The following RPS3A variants were observed in gnomAD, a reference collection of about 807,000 sequenced individuals.
RPS3A encodes the protein ribosomal protein S3A.
A neutral mutation model predicts 26.4 loss-of-function variants in RPS3A; 1 was observed. The observed-to-expected ratio is 0.04, with a 90% CI of 0.01 to 0.18. The LOEUF (loss-of-function observed/expected upper bound fraction) is 0.18. Among genes scored for constraint, RPS3A ranks in the 10% least tolerant of loss-of-function variants. The probability of loss-of-function intolerance (pLI) is 1.00; values close to 1 mark genes in which losing one functional copy is unlikely to be tolerated. For synonymous variants in RPS3A, 97 were observed against 106.1 expected, an observed-to-expected ratio of 0.91 and a Z score of 0.53; for missense variants, 139 against 326.8, an observed-to-expected ratio of 0.43 and a Z score of 4.43.
Position 151,100,998 on chromosome 4 carries a change from G to C in RPS3A, c.190G>C (p.Gly64Arg), listed in dbSNP as rs541190765. ...AGAAATTGCATCTGATGGTCTCAAGGGTCGTGTGTTTGAAGTGAGTCTTGC... is the reference window on the plus strand; with the variant it reads ...AGAAATTGCATCTGATGGTCTCAAGCGTCGTGTGTTTGAAGTGAGTCTTGC... ...GTKIASDGLKGRVFEVSLADL... is the reference protein window; with the variant it reads ...GTKIASDGLKRRVFEVSLADL... Residue 64 changes from glycine (G) to arginine (R), a missense_variant, in exon 3 of 6, where the codon GGT becomes CGT. Transcript: ENST00000274065. 9.5e-6 allele frequency: 15 copies of C among 1,583,342 alleles called. No individual in the cohort carries two copies. The highest frequency in any genetic ancestry group is 1.3e-5 in the Non-Finnish European group (15 of 1,167,874).
chr4:151,099,807 A>G, intron 1 of RPS3A, 93 bp downstream of exon 1: 1 of 1,354,740 alleles, frequency 7.4e-7, no homozygotes, highest in Non-Finnish European at 1.0e-6. Flanking sequence ...GATGGCGAGG[A>G]TTCCAGTCGG....
chr4:151,100,731 T>TC (rs1747081908), intron 2 of RPS3A, 143 bp downstream of exon 2: 5 of 646,544 alleles, frequency 7.7e-6, no homozygotes, highest in Non-Finnish European at 1.4e-5. Flanking sequence ...CCTGTGGTGA[T>TC]CATTTTTAGT....
At chr4:151,100,066 C>G in intron 1 of RPS3A, 2 of 551,008 alleles carry the variant, frequency 3.6e-6, no homozygotes, top group South Asian at 3.1e-5. Context: ...CATTCAGGAC[C>G]CGTCAATCTC....
At chr4:151,102,180 CT>C (rs765623696) in intron 3 of RPS3A, 1 of 414,518 alleles carries the variant, frequency 2.4e-6, no homozygotes, top group Non-Finnish European at 4.8e-6. Context: ...GGTCCCTTAG[CT>C]GTAAATTGTA....
rs28523454 is a variant in RPS3A, at chr4:151,103,485, A to G, written c.563+406A>G. 1,313 of 1,013,646 alleles carry G rather than the reference A, an allele frequency of 1.3e-3. 16 individuals carry two copies. In the African/African-American group the frequency reaches 0.022, roughly 17 times the overall value. The allele number at this position is 1,013,646 out of a possible 1,614,324, so 62.8% of individuals were successfully genotyped here. On this transcript the variant is annotated intron_variant, in intron 4 of 5. Transcript: ENST00000274065. ...TGGCCAGGCTGGTCTTGAACTCCTG[A>G]CTTCAGGTGATCTGCCAGTACTCTA...
intron 4 of RPS3A, chr4:151,103,673 GGTA>G: frequency 9.2e-7 from 1 of 1,087,890 alleles, no homozygotes; most frequent in African/African-American, 1.7e-5. Context: ...AGGCTGAGGT[GGTA>G]GGATTGTTTG....
intron 1 of RPS3A, 178 bp downstream of exon 1, chr4:151,099,892 G>T: frequency 1.4e-6 from 1 of 732,588 alleles, no homozygotes; most frequent in South Asian, 1.5e-5. Flanking sequence ...CGGCAGGTCG[G>T]CTGCCTTTCC....
chr4:151,099,909 T>A, intron 1 of RPS3A, 195 bp downstream of exon 1: 1 of 698,180 alleles, frequency 1.4e-6, no homozygotes, highest in South Asian at 1.5e-5. Context: ...TTCCCAGGCC[T>A]TCTGGTCCTT....
intron 1 of RPS3A, chr4:151,099,930 C>G: frequency 5.7e-6 from 3 of 528,774 alleles, no homozygotes; most frequent in Non-Finnish European, 1.1e-5. Context: ...GCGCGCGTCG[C>G]GTTTGAGCCG....
At chr4:151,103,598 T>G in intron 4 of RPS3A, 3 of 1,047,934 alleles carry the variant, frequency 2.9e-6, no homozygotes, top group Non-Finnish European at 3.5e-6. Context: ...GTTTTTCCCC[T>G]ACTTGGAAAA....
intron 4 of RPS3A, 111 bp from the exon 5 acceptor site, chr4:151,104,066 A>T: frequency 6.7e-7 from 1 of 1,499,292 alleles, no homozygotes; most frequent in South Asian, 1.4e-5. Context: ...AGGTTAAATG[A>T]GGTAGGTGTT....
intron 1 of RPS3A, among the ~76,000 whole-genome samples, chr4:151,100,215 G>A: frequency 6.6e-6 from 1 of 152,298 alleles, no homozygotes; most frequent in Non-Finnish European, 1.5e-5. Flanking sequence ...GTAGTGGAAG[G>A]ACCGATGCAT....
intron 3 of RPS3A, chr4:151,102,144 G>A (rs749953758): frequency 2.1e-6 from 1 of 487,102 alleles, no homozygotes; most frequent in Admixed American, 2.1e-5. Flanking sequence ...AAGGCTTTAT[G>A]GTTTACATTT....
chr4:151,102,867 C>G lies in RPS3A; in HGVS notation c.355-4C>G, dbSNP rs1561165047. 2 of 1,607,234 alleles carry G rather than the reference C, an allele frequency of 1.2e-6. No individual in the cohort carries two copies. Among genetic ancestry groups the G allele is most frequent in the Non-Finnish European group, 1.7e-6 (2 of 1,177,098 alleles). On this transcript the variant is annotated splice_polypyrimidine_tract_variant and splice_region_variant and intron_variant, in intron 3 of 5. Transcript: ENST00000274065. ...TTAAATCTGACGGTATCTTTTTTCT[C>G]CAGACAATGATTGAAGCTCACGTTG...
chr4:151,103,209 C>CT, intron 4 of RPS3A, 130 bp downstream of exon 4: 1 of 1,410,904 alleles, frequency 7.1e-7, no homozygotes, highest in Non-Finnish European at 9.3e-7. Context: ...AGCTATATCT[C>CT]TTTAAGTGAA....
intron 4 of RPS3A, 187 bp from the exon 5 acceptor site, chr4:151,103,990 T>A (rs1747251324): frequency 6.6e-7 from 1 of 1,515,072 alleles, no homozygotes; most frequent in Non-Finnish European, 8.9e-7. Context: ...AGCTATGTAA[T>A]TCAGATCATC....
intron 4 of RPS3A, chr4:151,103,966 CTT>C: frequency 1.3e-6 from 2 of 1,521,184 alleles, no homozygotes; most frequent in Non-Finnish European, 1.8e-6. Flanking sequence ...ACTCTACTAA[CTT>C]TGCCACTAGC....
Position 151,103,427 on chromosome 4 carries a change from T to A in RPS3A, c.563+348T>A, listed in dbSNP as rs567190456. On this transcript the variant is annotated intron_variant, in intron 4 of 5. Coordinates refer to ENST00000274065, the MANE Select transcript of RPS3A (RefSeq NM_001006.5). ...TGCCACCATACCCAGCTAATTTTTT[T>A]AAATTTTTAGTAGAGATGGGGTTTC... 5.4e-4 allele frequency: 439 copies of A among 815,854 alleles called. 1 individual carries two copies. The African/African-American group carries it at 7.7e-3, about 14-fold the overall frequency. The allele number at this position is 815,854 out of a possible 1,614,324, so 50.5% of individuals were successfully genotyped here.
In RPS3A at chr4:151,100,998, G is replaced by A. The variant is rs541190765; in HGVS notation, c.190G>A (p.Gly64Ser). 6 of 1,583,342 alleles carry A rather than the reference G, an allele frequency of 3.8e-6. No individual in the cohort carries two copies. In the East Asian group the frequency reaches 1.1e-4, roughly 30 times the overall value. The change falls in exon 3 of 6, where the codon GGT becomes AGT. Residue 64 changes from glycine (G) to serine (S), a missense_variant. Gly to Ser is a moderately conservative substitution (Grantham distance 56). Around this residue, in one of 3 missense-constraint regions of RPS3A, gnomAD observed 8 missense variants for 56.9 expected, o/e 0.14. Transcript: ENST00000274065. The stretch of plus-strand genomic sequence containing the variant: ...AGAAATTGCATCTGATGGTCTCAAG[G>A]GTCGTGTGTTTGAAGTGAGTCTTGC... The part of the protein sequence containing the change: ...GTKIASDGLK[G>S]RVFEVSLADL...
Sources: gnomAD v4.1 joint callset for allele counts (sites outside exome capture counted in the v4.1 genomes callset) on GRCh38, gnomAD v4.1.1 for gene constraint, gnomAD v4.1.1 regional missense constraint, MANE v1.5 for transcripts, NCBI Gene and HGNC (gene_info 2026-07-23, HGNC 2026-07-21) for gene names.